HACE1: variants seen among roughly 807,000 people sequenced by gnomAD.
HACE1 encodes the protein E3 ubiquitin-protein ligase HACE1.
HACE1 carries 73 observed loss-of-function variants against 118.4 expected under a neutral mutation model. The ratio of observed to expected loss-of-function variants is 0.62; its 90% confidence interval spans 0.51 to 0.75. The LOEUF is 0.75. HACE1 is among the 30% of genes least tolerant of loss of function. The pLI is 0.00. For synonymous variants in HACE1, 368 were observed against 374.8 expected (o/e 0.98, Z 0.21); for missense variants, 749 against 1,102.2 (o/e 0.68, Z 4.54).
intron 22 of HACE1, among the ~76,000 whole-genome samples, chr6:104,741,377 T>G (rs1776666147): frequency 2.6e-5 from 4 of 151,176 alleles, no homozygotes; most frequent in African/African-American, 9.8e-5. Flanking sequence ...ATTGTCCCTG[T>G]TTGCAGATGA....
chr6:104,747,756 G>A (rs562428874), intron 20 of HACE1, among the ~76,000 whole-genome samples: 1 of 152,086 alleles, frequency 6.6e-6, no homozygotes. Flanking sequence ...GATTTTTTGT[G>A]AGCGTTTTTA....
rs1036682229 is a variant in HACE1 at position 104,770,278 on chromosome 6, T to C, written c.2211+915A>G. On this transcript the variant is annotated intron_variant, in intron 19 of 23. Coordinates refer to ENST00000262903, the MANE Select transcript of HACE1 (RefSeq NM_020771.4). ...GTAAGCAACAGAACTAGAATTCATA[T>C]GATATTTTCTAACTCCAAATACCTC... is the stretch of plus-strand genomic sequence containing the variant. Among the ~76,000 whole-genome samples the C allele has an allele frequency of 3.9e-5, 6 of 152,176 alleles. No individual in the cohort carries two copies. The South Asian group carries it at 1.0e-3, about 26-fold the overall frequency.
intron 19 of HACE1, among the ~76,000 whole-genome samples, chr6:104,762,698 T>C (rs1779514294): frequency 6.6e-6 from 1 of 151,954 alleles, no homozygotes; most frequent in African/African-American, 2.4e-5. Flanking sequence ...TAAAGTATAA[T>C]TTTAAAAAAA....
intron 19 of HACE1, among the ~76,000 whole-genome samples, chr6:104,765,479 G>T (rs911051302): frequency 3.9e-5 from 6 of 152,158 alleles, no homozygotes; most frequent in Non-Finnish European, 8.8e-5. Flanking sequence ...CAACAAAATA[G>T]TGATATTTTA....
At chr6:104,812,824 A>C (rs1771771380) in intron 6 of HACE1, among the ~76,000 whole-genome samples, 1 of 152,216 alleles carries the variant, frequency 6.6e-6, no homozygotes, top group African/African-American at 2.4e-5. Flanking sequence ...TGTAGAGCTA[A>C]AAATAGGAGG....
At position 104,796,930 on chromosome 6, in the gene HACE1, T is replaced by C; in HGVS notation, c.713A>G (p.Gln238Arg). The part of the protein sequence containing the change: ...NGVTPLDLCV[Q>R]GGYGETCEVL... ...TCAGAATATAAATGAAAAACACACC[T>C]GTACACATAAATCCAGAGGAGTTAC... is the stretch of plus-strand genomic sequence containing the variant. Residue 238 changes from glutamine to arginine, a missense_variant and splice_region_variant, in exon 8 of 24, where the codon CAG (glutamine) becomes CGG (arginine). By Grantham distance (43) the Gln-to-Arg change is conservative. Coordinates refer to ENST00000262903, the MANE Select transcript of HACE1 (RefSeq NM_020771.4). 6.6e-7 allele frequency: 1 copy of C among 1,509,956 alleles called. No individual in the cohort carries two copies. Among genetic ancestry groups the C allele is most frequent in the South Asian group, 1.1e-5 (1 of 89,022 alleles). The allele number at this position is 1,509,956 out of a possible 1,614,324, so 93.5% of individuals were successfully genotyped here.
At chr6:104,803,977 C>T (rs189518190) in intron 7 of HACE1, among the ~76,000 whole-genome samples, 1 of 152,280 alleles carries the variant, frequency 6.6e-6, no homozygotes, top group East Asian at 1.9e-4. Flanking sequence ...ATCGTCTCAG[C>T]CCAAAATCTC....
chr6:104,778,117 G>A (rs1309022395), intron 14 of HACE1, among the ~76,000 whole-genome samples: 9 of 152,098 alleles, frequency 5.9e-5, no homozygotes, highest in Non-Finnish European at 1.2e-4. Context: ...AAATTGGAAC[G>A]TAATTTGTTA....
Position 104,815,057 on chromosome 6 carries a change from G to A in HACE1, c.535-3664C>T, listed in dbSNP as rs937605989. On this transcript the variant is annotated intron_variant, in intron 6 of 23. Coordinates refer to ENST00000262903, the MANE Select transcript of HACE1 (RefSeq NM_020771.4). The stretch of plus-strand genomic sequence containing the variant: ...TAAAGACACTTGAAAATGTGGAAGC[G>A]ACTTTGGAACTGGGTAAGGGGCAGA... 2.2e-5 allele frequency among the ~76,000 whole-genome samples: 3 copies of A among 138,556 alleles called. 1 individual carries two copies. Among genetic ancestry groups the A allele is most frequent in the East Asian group, 4.3e-4 (2 of 4,646 alleles). The allele number at this position is 138,556 out of a possible 152,430, so 90.9% of individuals were successfully genotyped here.
chr6:104,744,480 T>G (rs1777188322), intron 21 of HACE1, 32 bp downstream of exon 21: 1 of 1,196,314 alleles, frequency 8.4e-7, no homozygotes, highest in Non-Finnish European at 1.3e-6. Flanking sequence ...CGGCAAAACT[T>G]AACTTCATTC....
chr6:104,767,801 A>G lies in HACE1; in HGVS notation c.2211+3392T>C, dbSNP rs76833524. On this transcript the variant is annotated intron_variant, in intron 19 of 23. Transcript: ENST00000262903. ...AAGCCCAGAACATTTCCTTCTTCCC[A>G]TCCTTACTCCTACTCGACCACTTAA... Among the ~76,000 whole-genome samples the G allele has an allele frequency of 9.9e-5, 15 of 152,044 alleles. No individual in the cohort carries two copies. The East Asian group carries it at 2.7e-3, about 27-fold the overall frequency.
At chr6:104,744,357 C>T in intron 21 of HACE1, 127 bp from the exon 22 acceptor site, 1 of 827,756 alleles carries the variant, frequency 1.2e-6, no homozygotes, top group Non-Finnish European at 2.1e-6. Flanking sequence ...AAAATGATTT[C>T]ATGCAAAGCT....
Position 104,850,917 on chromosome 6 carries a change from T to C in HACE1, c.211A>G (p.Ile71Val). 2.5e-6 allele frequency: 4 copies of C among 1,598,410 alleles called. No individual in the cohort carries two copies. The highest frequency in any genetic ancestry group is 3.4e-6 in the Non-Finnish European group (4 of 1,165,586). The change falls in exon 3 of 24, where the codon ATT (isoleucine) becomes GTT (valine). Residue 71 changes from isoleucine to valine, a missense_variant. Around this residue, in one of 5 missense-constraint regions of HACE1, gnomAD observed 120 missense variants for 219.1 expected, o/e 0.55. Transcript: ENST00000262903. ...FGRVKRSLLH[I>V]AANCGSVECL... ...TATCTTTAGTCTTACTTTGCTGCAA[T>C]GTGAAGCAAGCTTCTTTTCACACGT...
At chr6:104,787,733 T>C (rs781287270) in intron 11 of HACE1, among the ~76,000 whole-genome samples, 15 of 152,020 alleles carry the variant, frequency 9.9e-5, no homozygotes, top group Admixed American at 6.5e-4. Flanking sequence ...TTTTCAAATA[T>C]TGACAATGTG....
intron 22 of HACE1, among the ~76,000 whole-genome samples, chr6:104,735,361 G>A (rs1775700715): frequency 6.6e-6 from 1 of 152,104 alleles, no homozygotes; most frequent in Non-Finnish European, 1.5e-5. Context: ...GGGTGCGGTG[G>A]CTCACGCCTA....
intron 22 of HACE1, among the ~76,000 whole-genome samples, chr6:104,735,503 T>C (rs1582566478): frequency 1.3e-5 from 2 of 151,912 alleles, no homozygotes; most frequent in East Asian, 3.9e-4. Flanking sequence ...TGGTGGCGGG[T>C]GCCTATAGTC....
Position 104,791,621 on chromosome 6 carries a change from G to A in HACE1, c.957C>T (p.Ser319=), listed in dbSNP as rs1238618572. ...AAAACATTCTCACAATCCTTAAAAG[G>A]CTCTTCATTTGAGCATCATAATTGC... ...LSSNYDAQMK[S]LLRIVRMFCH... The change falls in exon 11 of 24, where the codon AGC becomes AGT. Residue 319 remains serine, a synonymous_variant. Coordinates refer to ENST00000262903, the MANE Select transcript of HACE1 (RefSeq NM_020771.4). 9 of 1,611,020 alleles carry A rather than the reference G, an allele frequency of 5.6e-6. No homozygotes were observed. The highest frequency in any genetic ancestry group is 7.6e-6 in the Non-Finnish European group (9 of 1,177,488).
chr6:104,842,412 T>C (rs1413769626), intron 5 of HACE1: 1 of 151,830 alleles, frequency 6.6e-6, no homozygotes, highest in African/African-American at 2.4e-5. Context: ...AAGACCAGCC[T>C]GGCCAACGTG....
chr6:104,784,972 A>G lies in HACE1; in HGVS notation c.1409+13T>C. 1 of 1,588,128 alleles carries G rather than the reference A, an allele frequency of 6.3e-7. No individual in the cohort carries two copies. The highest frequency in any genetic ancestry group is 8.6e-7 in the Non-Finnish European group (1 of 1,158,292). On this transcript the variant is annotated intron_variant, in intron 12 of 23. Transcript: ENST00000262903. ...TCAGAGAAAAAAAAAATAATAAGCC[A>G]AAACTTTCTTACCCCGGAGGCATCT...
Sources: gnomAD v4.1 joint callset for allele counts (sites outside exome capture counted in the v4.1 genomes callset) on GRCh38, gnomAD v4.1.1 for gene constraint, gnomAD v4.1.1 regional missense constraint, MANE v1.5 for transcripts, NCBI Gene and HGNC (gene_info 2026-07-23, HGNC 2026-07-21) for gene names.